The following BTNL8 variants were observed in gnomAD, a reference collection of about 807,000 sequenced individuals.
The protein encoded by BTNL8 is butyrophilin-like protein 8.
Under a neutral mutation model 36.1 loss-of-function variants are expected in BTNL8, and 22 were observed. The observed-to-expected ratio is 0.61, with a 90% CI of 0.44 to 0.87. The LOEUF is 0.87. BTNL8 is among the 40% of genes least tolerant of loss of function. BTNL8 has a pLI of 0.00. For missense variants in BTNL8, 526 were observed against 616.9 expected (o/e 0.85, Z 1.56); for synonymous variants, 203 against 235.6 (o/e 0.86, Z 1.27).
intron 3 of BTNL8, among the ~76,000 whole-genome samples, chr5:180,922,479 A>C (rs1278985844): frequency 6.6e-6 from 1 of 151,168 alleles, no homozygotes; most frequent in Non-Finnish European, 1.5e-5. Context: ...TAGGTTATTC[A>C]ATTTCCATGT....
chr5:180,949,151 A>G, intron 6 of BTNL8, 88 bp from the exon 7 acceptor site: 1 of 1,407,954 alleles, frequency 7.1e-7, no homozygotes, highest in Non-Finnish European at 9.7e-7. Context: ...ACACTCAAAA[A>G]GGGTCCCAAT....
At chr5:180,947,655 GC>G in intron 4 of BTNL8, 30 bp downstream of exon 4, 2 of 1,614,180 alleles carry the variant, frequency 1.2e-6, no homozygotes, top group Non-Finnish European at 1.7e-6. Flanking sequence ...ATGGGCCGGT[GC>G]CTTATTCATG....
Position 180,947,631 on chromosome 5 carries a change from CGA to C in BTNL8, c.787+15_787+16del, listed in dbSNP as rs1277548445. 1 of 1,614,084 alleles carries C rather than the reference CGA, an allele frequency of 6.2e-7. No homozygotes were observed. On this transcript the variant is annotated splice_region_variant and intron_variant, in intron 4 of 7. Transcript: ENST00000340184. Reference sequence around the variant, plus strand: ...TTTCTTCTCCAAATTCCAGTGTAAGCGAGAGAGAGAAGCATGGGCCGGTGCCT... The same window carrying C: ...TTTCTTCTCCAAATTCCAGTGTAAGCGAGAGAGAAGCATGGGCCGGTGCCT...
At position 180,899,222 on chromosome 5, in the gene BTNL8, T is replaced by G; in HGVS notation, c.-89T>G. The G allele has an allele frequency of 6.6e-6, 10 of 1,510,848 alleles. No individual in the cohort carries two copies. The highest frequency in any genetic ancestry group is 3.4e-5 in the Admixed American group (2 of 59,634). The allele number at this position is 1,510,848 out of a possible 1,614,324, so 93.6% of individuals were successfully genotyped here. A position where few individuals can be genotyped will look rare whatever the true frequency, so the allele number is the denominator to read the frequency against. ...TCCGTGGCTTCCGCACCTTGAGCAT[T>G]AGGCCAGTTCTCCTCTTCTCTCTAA... On this transcript the variant is annotated 5_prime_UTR_variant, in exon 1 of 8. In the 5' UTR this introduces an upstream ATG that the reference lacks. Coordinates refer to ENST00000340184, the MANE Select transcript of BTNL8 (RefSeq NM_001040462.3).
chr5:180,920,716 T>C (rs1582031216), intron 3 of BTNL8, among the ~76,000 whole-genome samples: 1 of 152,054 alleles, frequency 6.6e-6, no homozygotes, highest in East Asian at 1.9e-4. Flanking sequence ...ATGTCCAAAA[T>C]ATGTAAGACA....
chr5:180,931,836 A>C (rs1180719792), intron 3 of BTNL8, among the ~76,000 whole-genome samples: 1 of 152,226 alleles, frequency 6.6e-6, no homozygotes, highest in Admixed American at 6.5e-5. Context: ...GTGGAGAAAT[A>C]GGAAAGTTTT....
At position 180,911,370 on chromosome 5, in the gene BTNL8, G is replaced by A. The variant is rs148878394; in HGVS notation, c.429G>A (p.Thr143=). Residue 143 remains threonine (T), a synonymous_variant, in exon 3 of 8, where the codon ACG becomes ACA. Coordinates refer to ENST00000340184, the MANE Select transcript of BTNL8 (RefSeq NM_001040462.3). Reference sequence around the variant, plus strand: ...GCTCAGTTCCTCTCATTTCCATCACGGGATATGTTGATAGAGACATCCAGC... The same window carrying A: ...GCTCAGTTCCTCTCATTTCCATCACAGGATATGTTGATAGAGACATCCAGC... The part of the protein sequence containing the change: ...ALGSVPLISI[T]GYVDRDIQLL... 5.6e-4 allele frequency: 902 copies of A among 1,614,098 alleles called. 3 individuals carry two copies. The African/African-American group carries it at 0.011, about 19-fold the overall frequency.
At chr5:180,926,138 T>A (rs550451063) in intron 3 of BTNL8, among the ~76,000 whole-genome samples, 1 of 152,186 alleles carries the variant, frequency 6.6e-6, no homozygotes, top group East Asian at 1.9e-4. Context: ...CTCATCTCAT[T>A]GGGACTGGTT....
chr5:180,901,283 G>T (rs1263636622), intron 1 of BTNL8, among the ~76,000 whole-genome samples: 2 of 152,166 alleles, frequency 1.3e-5, no homozygotes, highest in East Asian at 3.8e-4. Flanking sequence ...TCCCTCTGAT[G>T]CACATGCAGA....
At chr5:180,943,373 G>A (rs1291847324) in intron 3 of BTNL8, among the ~76,000 whole-genome samples, 1 of 151,966 alleles carries the variant, frequency 6.6e-6, no homozygotes. Context: ...GACCTCAGGT[G>A]ATCCATCCAG....
In BTNL8 at chr5:180,933,013, A is replaced by C. The variant is rs534002077; in HGVS notation, c.674-14499A>C. ...TCCATGCAAATAAAAACCAAAAAAA[A>C]AAAAAGCAGTGGTAGCTATACTTAT... On this transcript the variant is annotated intron_variant, in intron 3 of 7. Transcript: ENST00000340184. 2.5e-3 allele frequency among the ~76,000 whole-genome samples: 379 copies of C among 152,248 alleles called. 2 individuals are homozygous for C. The highest frequency in any genetic ancestry group is 8.8e-3 in the African/African-American group (367 of 41,566).
rs531826503 is a variant in BTNL8, at chr5:180,949,065, G to A, written c.835+119G>A. On this transcript the variant is annotated intron_variant, in intron 6 of 7. Coordinates refer to ENST00000340184, the MANE Select transcript of BTNL8 (RefSeq NM_001040462.3). Reference sequence around the variant, plus strand: ...GAGCCAAGCTTGTGATGGGAACTCTGAAATTGCAGATTCTGGGGGAGGTGC... The same window carrying A: ...GAGCCAAGCTTGTGATGGGAACTCTAAAATTGCAGATTCTGGGGGAGGTGC... 6 of 1,053,286 alleles carry A rather than the reference G, an allele frequency of 5.7e-6. 2 individuals carry two copies. In the East Asian group the frequency reaches 1.4e-4, roughly 24 times the overall value. 65.2% of individuals were successfully genotyped at this position (1,053,286 alleles called of 1,614,324 possible).
chr5:180,902,460 C>G (rs574648461), intron 1 of BTNL8: 1 of 1,485,754 alleles, frequency 6.7e-7, no homozygotes, highest in Non-Finnish European at 9.2e-7. Flanking sequence ...ATGTTTCCCC[C>G]TGATGCACAT....
At chr5:180,945,808 CT>C in intron 3 of BTNL8, 1 of 510,210 alleles carries the variant, frequency 2.0e-6, no homozygotes, top group South Asian at 1.4e-5. Flanking sequence ...GGTCAGGGTT[CT>C]TGCTCTTGTC....
intron 3 of BTNL8, among the ~76,000 whole-genome samples, chr5:180,943,351 T>C (rs1759081152): frequency 6.6e-6 from 1 of 151,994 alleles, no homozygotes; most frequent in Non-Finnish European, 1.5e-5. Flanking sequence ...GCCAGGCTGG[T>C]CTCTAACTCC....
intron 3 of BTNL8, among the ~76,000 whole-genome samples, chr5:180,925,894 T>C (rs947230265): frequency 6.6e-6 from 1 of 152,128 alleles, no homozygotes; most frequent in Non-Finnish European, 1.5e-5. Flanking sequence ...ATCAAAATCA[T>C]AAGAAGTGGA....
At chr5:180,906,881 C>A (rs1757106417) in intron 1 of BTNL8, among the ~76,000 whole-genome samples, 1 of 94,070 alleles carries the variant, frequency 1.1e-5, no homozygotes, top group Non-Finnish European at 2.0e-5. Context: ...AGGGTTTCTG[C>A]CGAGAGATCC....
At chr5:180,929,670 A>G (rs1260280629) in intron 3 of BTNL8, among the ~76,000 whole-genome samples, 1 of 152,338 alleles carries the variant, frequency 6.6e-6, no homozygotes, top group East Asian at 1.9e-4. Flanking sequence ...CTACAATCAG[A>G]GAATACTATA....
intron 1 of BTNL8, among the ~76,000 whole-genome samples, chr5:180,905,342 A>G (rs1176287658): frequency 1.7e-4 from 24 of 144,560 alleles, no homozygotes; most frequent in Admixed American, 1.4e-3. Context: ...CCCTGATGGT[A>G]GTTTGTATTT....
Sources: gnomAD v4.1 joint callset for allele counts (sites outside exome capture counted in the v4.1 genomes callset) on GRCh38, gnomAD v4.1.1 for gene constraint, MANE v1.5 for transcripts, NCBI Gene and HGNC (gene_info 2026-07-23, HGNC 2026-07-21) for gene names.